Variants in LCORL observed in about 807,000 individuals in gnomAD.
LCORL encodes ligand-dependent nuclear receptor corepressor-like protein.
A neutral mutation model predicts 141.8 loss-of-function variants in LCORL; 41 were observed. That is an observed-to-expected ratio of 0.29 (90% CI 0.23 to 0.38). The LOEUF (loss-of-function observed/expected upper bound fraction) is 0.38, where lower values mean the gene tolerates loss of function less well. Ranked by LOEUF, LCORL falls within the 10% of genes least tolerant of loss-of-function variation. The probability of loss-of-function intolerance (pLI) is 1.00; values close to 1 mark genes in which losing one functional copy is unlikely to be tolerated. For synonymous variants in LCORL, 618 were observed against 694.1 expected (o/e 0.89, Z 1.72); for missense variants, 1,759 against 2,035.0 (o/e 0.86, Z 2.61).
exon 7 of LCORL, chr4:17,874,355 A>G (rs752544853): frequency 2.7e-5 from 33 of 1,233,976 alleles, no homozygotes; most frequent in Non-Finnish European, 3.1e-5. Flanking sequence ...CATTAAAGTC[A>G]GAATATTTGG....
In LCORL at chr4:18,021,246, C is replaced by T. The variant is rs1398743352; in HGVS notation, c.154+352G>A. ...GGGCGCCGACCCACCGGGCCGCTTC[C>T]TCCGTCCTGTCAGGGTGGACGGCGG... is the stretch of plus-strand genomic sequence containing the variant. On this transcript the variant is annotated intron_variant, in intron 1 of 7. Transcript: ENST00000635767. This position sits in a 1 kb window ranked among gnomAD's most constrained non-coding sequence, Gnocchi z 5.5. 2.6e-5 allele frequency among the ~76,000 whole-genome samples: 4 copies of T among 152,260 alleles called. No individual in the cohort carries two copies. In the East Asian group the frequency reaches 7.7e-4, roughly 29 times the overall value.
chr4:17,888,784 TTC>T (rs1279559073), intron 5 of LCORL, among the ~76,000 whole-genome samples: 1 of 152,134 alleles, frequency 6.6e-6, no homozygotes, highest in Non-Finnish European at 1.5e-5. Context: ...GTCATCTCAT[TTC>T]TCTTTTTTGG....
chr4:17,904,853 G>C (rs1245858496), intron 5 of LCORL, among the ~76,000 whole-genome samples: 1 of 151,992 alleles, frequency 6.6e-6, no homozygotes, highest in Non-Finnish European at 1.5e-5. Context: ...GGCTCTTTAA[G>C]TCTTGCTTGC....
intron 1 of LCORL, among the ~76,000 whole-genome samples, chr4:17,990,004 GCTCC>G (rs1719676002): frequency 6.6e-6 from 1 of 151,698 alleles, no homozygotes. Context: ...TTAATATGTA[GCTCC>G]CTCCATCTTC....
intron 1 of LCORL, among the ~76,000 whole-genome samples, chr4:17,993,718 T>C (rs1191975158): frequency 6.6e-6 from 1 of 152,094 alleles, no homozygotes; most frequent in African/African-American, 2.4e-5. Flanking sequence ...GGATTAGCTT[T>C]ACATTCAGAA....
In LCORL at chr4:17,973,518, C is replaced by A. The variant is rs1716370547; in HGVS notation, c.155-633G>T. ...TGGATATACTAGTTTTAAGATTTTA[C>A]AATTTTCAACTTTGAAGTCTGTAAC... On this transcript the variant is annotated intron_variant, in intron 1 of 7. Transcript: ENST00000635767. Among the ~76,000 whole-genome samples, 3 of 151,666 alleles carry A rather than the reference C, an allele frequency of 2.0e-5. No individual in the cohort carries two copies. In the South Asian group the frequency reaches 6.2e-4, roughly 31 times the overall value.
intron 2 of LCORL, among the ~76,000 whole-genome samples, chr4:17,966,837 G>C (rs1007452078): frequency 6.6e-6 from 1 of 152,108 alleles, no homozygotes; most frequent in South Asian, 2.1e-4. Flanking sequence ...ATTGCTGGTG[G>C]GAATGCGAAA....
intron 5 of LCORL, among the ~76,000 whole-genome samples, chr4:17,898,005 C>G (rs940962813): frequency 6.6e-6 from 1 of 152,110 alleles, no homozygotes; most frequent in Non-Finnish European, 1.5e-5. Flanking sequence ...GTTTGCACTG[C>G]GTTTCCAATC....
At chr4:17,883,125 G>A in intron 6 of LCORL, 5 of 977,764 alleles carry the variant, frequency 5.1e-6, no homozygotes, top group African/African-American at 1.8e-5. Context: ...ATCCTTTAAG[G>A]TTTTCTTTTC....
In LCORL at chr4:17,890,505, G is replaced by A. The variant is rs781229045; in HGVS notation, c.683-4344C>T. Among the ~76,000 whole-genome samples, 12 of 151,958 alleles carry A rather than the reference G, an allele frequency of 7.9e-5. No individual in the cohort carries two copies. The South Asian group carries it at 1.7e-3, about 21-fold the overall frequency. The stretch of plus-strand genomic sequence containing the variant: ...AGAGGTAAATATGAACAAGTAACAC[G>A]TTTATTAATTCTGGTTAACAAGTAC... On this transcript the variant is annotated intron_variant, in intron 5 of 7. Transcript: ENST00000635767.
intron 7 of LCORL, among the ~76,000 whole-genome samples, chr4:17,848,722 C>G (rs933529041): frequency 2.0e-5 from 3 of 152,192 alleles, no homozygotes; most frequent in African/African-American, 7.2e-5. Flanking sequence ...CGAAGCAGGG[C>G]GAGGCATTGC....
At chr4:17,883,727 G>A in intron 6 of LCORL, 2 of 1,534,920 alleles carry the variant, frequency 1.3e-6, no homozygotes, top group South Asian at 1.2e-5. Context: ...AATCTACACA[G>A]GCTTGCTGCT....
chr4:17,850,841 C>T (rs1015220957), intron 7 of LCORL, among the ~76,000 whole-genome samples: 45 of 151,486 alleles, frequency 3.0e-4, no homozygotes, highest in Admixed American at 2.1e-3. Flanking sequence ...ATGTTTATTG[C>T]GGCACTATTC....
intron 6 of LCORL, chr4:17,883,687 C>CACACACACTCACAA: frequency 6.7e-7 from 1 of 1,497,142 alleles, no homozygotes; most frequent in Non-Finnish European, 8.9e-7. Flanking sequence ...CACACACACA[C>CACACACACTCACAA]ACACACTCAC....
intron 4 of LCORL, among the ~76,000 whole-genome samples, chr4:17,935,532 C>T (rs1412860069): frequency 6.6e-6 from 1 of 152,164 alleles, no homozygotes. Context: ...TGAATTCTCA[C>T]TCTCTGGGTT....
chr4:17,996,023 A>T (rs1720869231), intron 1 of LCORL, among the ~76,000 whole-genome samples: 1 of 152,140 alleles, frequency 6.6e-6, no homozygotes, highest in Non-Finnish European at 1.5e-5. Context: ...TGTTCCAGAT[A>T]CTGAATTAAT....
chr4:18,013,338 C>A (rs561868025), intron 1 of LCORL, among the ~76,000 whole-genome samples: 10 of 152,174 alleles, frequency 6.6e-5, no homozygotes, highest in Admixed American at 1.3e-4. Context: ...AAGTTATACT[C>A]TAGATATACT....
chr4:18,021,575 G>GC lies in LCORL; in HGVS notation c.154+22dup. 6.6e-7 allele frequency: 1 copy of GC among 1,511,336 alleles called. No homozygotes were observed. Among genetic ancestry groups the GC allele is most frequent in the South Asian group, 1.2e-5 (1 of 80,880 alleles). 93.6% of individuals were successfully genotyped at this position (1,511,336 alleles called of 1,614,324 possible). ...CAGCGGTCGCCGCGCGGAGCCCGGG[G>GC]CCCCGGCCCGCGTCTCTCTTACCTA... is the stretch of plus-strand genomic sequence containing the variant. On this transcript the variant is annotated intron_variant, in intron 1 of 7. Transcript: ENST00000635767. The surrounding 1 kb of genome is among the most constrained non-coding windows in gnomAD (Gnocchi z 5.5).
At chr4:17,930,350 G>T (rs371702076) in intron 4 of LCORL, among the ~76,000 whole-genome samples, 2 of 152,150 alleles carry the variant, frequency 1.3e-5, no homozygotes, top group Non-Finnish European at 2.9e-5. Context: ...ACACAAACAC[G>T]AAGTAGAGTT....
Sources: allele counts gnomAD v4.1 joint callset (sites outside exome capture counted in the v4.1 genomes callset), GRCh38; gene constraint gnomAD v4.1.1; non-coding constraint Gnocchi (gnomAD v3.1); transcripts MANE v1.5; gene names NCBI Gene and HGNC (gene_info 2026-07-23, HGNC 2026-07-21).